PCNX2: variants seen among roughly 807,000 people sequenced by gnomAD.
PCNX2 encodes the protein pecanex-like protein 2.
A neutral mutation model predicts 223.8 loss-of-function variants in PCNX2; 168 were observed. The ratio of observed to expected loss-of-function variants is 0.75; its 90% CI spans 0.66 to 0.85. The LOEUF (loss-of-function observed/expected upper bound fraction) is 0.85. PCNX2 is among the 40% of genes least tolerant of loss of function. The probability of loss-of-function intolerance (pLI) is 0.00; values close to 1 mark genes in which losing one functional copy is unlikely to be tolerated. For synonymous variants in PCNX2, 1,006 were observed against 1,052.6 expected (o/e 0.96, Z 0.86); for missense variants, 2,507 against 2,675.5 (o/e 0.94, Z 1.39).
chr1:233,215,973 C>G (rs1352466633), intron 12 of PCNX2, among the ~76,000 whole-genome samples: 1 of 152,182 alleles, frequency 6.6e-6, no homozygotes, highest in East Asian at 1.9e-4. Context: ...CAATTATAAG[C>G]TTTTCTTAAT....
intron 1 of PCNX2, chr1:233,289,432 C>A: frequency 7.1e-7 from 1 of 1,404,478 alleles, no homozygotes; most frequent in Admixed American, 1.7e-5. Context: ...ACGATCTTGG[C>A]GCTCGTACTG....
chr1:233,205,151 C>G (rs1488163021), intron 13 of PCNX2, among the ~76,000 whole-genome samples: 2 of 151,998 alleles, frequency 1.3e-5, no homozygotes, highest in African/African-American at 4.8e-5. Flanking sequence ...TTTACAGTAG[C>G]AAATAAAAAT....
intron 10 of PCNX2, among the ~76,000 whole-genome samples, chr1:233,220,543 T>G (rs942049240): frequency 2.6e-5 from 4 of 152,194 alleles, no homozygotes; most frequent in African/African-American, 9.7e-5. Context: ...CTATTGATGT[T>G]GAATGTCTTT....
At chr1:232,995,127 A>G (rs965493208) in intron 32 of PCNX2, among the ~76,000 whole-genome samples, 2 of 152,194 alleles carry the variant, frequency 1.3e-5, no homozygotes, top group Admixed American at 1.3e-4. Flanking sequence ...TGTTACTGTT[A>G]TCAAATTTTA....
At chr1:233,032,139 G>A (rs1031001285) in intron 25 of PCNX2, 2 of 869,372 alleles carry the variant, frequency 2.3e-6, no homozygotes, top group Admixed American at 6.2e-5. Context: ...TTTCACTCTT[G>A]TTGCCCAGGC....
chr1:233,028,543 C>A (rs1671160904), intron 25 of PCNX2, among the ~76,000 whole-genome samples: 1 of 152,120 alleles, frequency 6.6e-6, no homozygotes, highest in Non-Finnish European at 1.5e-5. Context: ...ATCCAGGTTT[C>A]CTATAATTAG....
chr1:233,061,039 C>G (rs1179920363), intron 23 of PCNX2, among the ~76,000 whole-genome samples: 1 of 152,162 alleles, frequency 6.6e-6, no homozygotes, highest in Non-Finnish European at 1.5e-5. Context: ...AAGTAATTTT[C>G]TATATTGATA....
chr1:233,149,266 G>C (rs2477865), intron 19 of PCNX2, among the ~76,000 whole-genome samples: 7 of 152,002 alleles, frequency 4.6e-5, no homozygotes, highest in African/African-American at 1.7e-4. Context: ...TGTCTTAAAG[G>C]GTTTCAGGTT....
At position 233,131,218 on chromosome 1, in the gene PCNX2, G is replaced by A. The variant is rs189916901; in HGVS notation, c.3837+3795C>T. ...GGAAGGGCTGGGGGACATCTGCAGT[G>A]GTCAGAGGACAAGACCTGTCATGAG... On this transcript the variant is annotated intron_variant, in intron 21 of 33. Coordinates refer to ENST00000258229, the MANE Select transcript of PCNX2 (RefSeq NM_014801.4). 2.0e-5 allele frequency among the ~76,000 whole-genome samples: 3 copies of A among 152,174 alleles called. No homozygotes were observed. In the East Asian group the frequency reaches 5.8e-4, roughly 29 times the overall value.
chr1:233,018,640 G>C (rs1272373354), intron 26 of PCNX2: 2 of 443,928 alleles, frequency 4.5e-6, no homozygotes, highest in African/African-American at 4.3e-5. Flanking sequence ...GATAGGCTTG[G>C]ATCAGGGTGT....
At chr1:233,156,127 G>A (rs947746502) in intron 19 of PCNX2, among the ~76,000 whole-genome samples, 2 of 152,140 alleles carry the variant, frequency 1.3e-5, no homozygotes, top group Non-Finnish European at 2.9e-5. Context: ...GCATATCAAG[G>A]TTGGGAGGAG....
At chr1:233,039,463 A>G (rs543905829) in intron 25 of PCNX2, among the ~76,000 whole-genome samples, 1 of 152,362 alleles carries the variant, frequency 6.6e-6, no homozygotes, top group South Asian at 2.1e-4. Flanking sequence ...TATTTTGATA[A>G]TATAAGTAAA....
intron 10 of PCNX2, among the ~76,000 whole-genome samples, chr1:233,218,405 A>C (rs754907150): frequency 3.0e-4 from 40 of 134,688 alleles, no homozygotes; most frequent in Non-Finnish European, 4.7e-4. Flanking sequence ...CCCGCCACCA[A>C]GCCCGGCTAA....
intron 25 of PCNX2, among the ~76,000 whole-genome samples, chr1:233,039,303 C>G (rs904743454): frequency 4.6e-5 from 7 of 152,062 alleles, no homozygotes; most frequent in African/African-American, 1.7e-4. Context: ...GGCCGTGGAC[C>G]TTGGGGTCAG....
intron 1 of PCNX2, among the ~76,000 whole-genome samples, chr1:233,285,630 G>A (rs926709630): frequency 4.6e-5 from 7 of 152,110 alleles, no homozygotes; most frequent in South Asian, 4.1e-4. Flanking sequence ...ACCTGAGATC[G>A]TGCCACTGCA....
At chr1:233,167,831 T>C (rs1285898539) in intron 17 of PCNX2, 1 of 965,596 alleles carries the variant, frequency 1.0e-6, no homozygotes, top group African/African-American at 1.8e-5. Context: ...GTTTTCTTGT[T>C]AAATAACTTT....
chr1:233,118,713 T>G (rs937728921), intron 21 of PCNX2, among the ~76,000 whole-genome samples: 1 of 151,984 alleles, frequency 6.6e-6, no homozygotes, highest in Non-Finnish European at 1.5e-5. Flanking sequence ...ATGAAAGAAA[T>G]CAAAAGATAA....
intron 23 of PCNX2, among the ~76,000 whole-genome samples, chr1:233,070,862 C>T (rs1431663257): frequency 6.6e-6 from 1 of 151,956 alleles, no homozygotes. Flanking sequence ...CGGTGAAACC[C>T]CATCTCTACT....
rs533848146 is a variant in PCNX2, at chr1:233,123,356, C to T, written c.3837+11657G>A. On this transcript the variant is annotated intron_variant, in intron 21 of 33. Transcript: ENST00000258229. ...CAGCACTTTGGGAGGCCGAGGTGGG[C>T]GGATCACGAGGTCAGGAGTTCAAGA... Among the ~76,000 whole-genome samples, 10 of 152,040 alleles carry T rather than the reference C, an allele frequency of 6.6e-5. No homozygotes were observed. The South Asian group carries it at 8.3e-4, about 13-fold the overall frequency.
Sources: gnomAD v4.1 joint callset for allele counts (sites outside exome capture counted in the v4.1 genomes callset) on GRCh38, gnomAD v4.1.1 for gene constraint, MANE v1.5 for transcripts, NCBI Gene and HGNC (gene_info 2026-07-23, HGNC 2026-07-21) for gene names.